Variants in P4HA3 observed in about 807,000 individuals in gnomAD.
The protein encoded by P4HA3 is prolyl 4-hydroxylase subunit alpha 3.
In P4HA3, 60 loss-of-function variants were observed where a neutral mutation model predicts 66.7. The observed-to-expected ratio is 0.90, with a 90% CI of 0.73 to 1.12. P4HA3 has a LOEUF of 1.12. P4HA3 is among the 50% of genes most tolerant of loss of function. The pLI is 0.00. For synonymous variants in P4HA3, 263 were observed against 274.6 expected, an observed-to-expected ratio of 0.96 and a Z score of 0.42; for missense variants, 683 against 685.8, an observed-to-expected ratio of 1.00 and a Z score of 0.05.
At chr11:74,279,745 C>A (rs1455633033) in intron 7 of P4HA3, among the ~76,000 whole-genome samples, 1 of 152,144 alleles carries the variant, frequency 6.6e-6, no homozygotes. Flanking sequence ...TTATTTGAAT[C>A]CCTTTTGTAT....
At position 74,266,805 on chromosome 11, in the gene P4HA3, A is replaced by C; in HGVS notation, c.*443T>G. The C allele has an allele frequency of 2.0e-6, 1 of 502,094 alleles. No homozygotes were observed. Among genetic ancestry groups the C allele is most frequent in the Non-Finnish European group, 3.5e-6 (1 of 286,296 alleles). The allele number at this position is 502,094 out of a possible 1,614,324, so 31.1% of individuals were successfully genotyped here. On this transcript the variant is annotated 3_prime_UTR_variant, in exon 13 of 13. Coordinates refer to ENST00000331597, the MANE Select transcript of P4HA3 (RefSeq NM_182904.5). ...GGGGGACACTCCCTGCTTGGGCTGCAGCAGAAGGCAGTGGGGAGAAAGTCT... is the reference window on the plus strand; with the variant it reads ...GGGGGACACTCCCTGCTTGGGCTGCCGCAGAAGGCAGTGGGGAGAAAGTCT...
At chr11:74,284,525 G>T (rs1860716693) in intron 7 of P4HA3, among the ~76,000 whole-genome samples, 1 of 152,114 alleles carries the variant, frequency 6.6e-6, no homozygotes, top group African/African-American at 2.4e-5. Flanking sequence ...AATCATGATT[G>T]TAATTTAATT....
intron 5 of P4HA3, among the ~76,000 whole-genome samples, chr11:74,288,310 T>C (rs1227299855): frequency 1.3e-5 from 2 of 152,176 alleles, no homozygotes; most frequent in Non-Finnish European, 2.9e-5. Context: ...GAGTGAGACC[T>C]GATTTAAGGG....
In P4HA3 at chr11:74,285,898, C is replaced by T. The variant is rs765178418; in HGVS notation, c.1021G>A (p.Val341Ile). 1.2e-6 allele frequency: 2 copies of T among 1,613,192 alleles called. No homozygotes were observed. The change falls in exon 7 of 13, where the codon GTC (valine) becomes ATC (isoleucine). Residue 341 changes from valine (V) to isoleucine (I), a missense_variant. Transcript: ENST00000331597. The part of the protein sequence containing the change: ...YLLLQPIRKE[V>I]IHLEPYIALY... ...GCAATGTAGGGCTCCAGGTGGATGACCTCCTTCCGGATGGGCTGGAGCAGC... is the reference window on the plus strand; with the variant it reads ...GCAATGTAGGGCTCCAGGTGGATGATCTCCTTCCGGATGGGCTGGAGCAGC...
Position 74,277,105 on chromosome 11 carries a change from G to A in P4HA3, c.1215C>T (p.Thr405=). 1 of 1,614,022 alleles carries A rather than the reference G, an allele frequency of 6.2e-7. No homozygotes were observed. Among genetic ancestry groups the A allele is most frequent in the South Asian group, 1.1e-5 (1 of 91,072 alleles). The change falls in exon 9 of 13, where the codon ACC becomes ACT. Residue 405 remains threonine (T), a synonymous_variant. Coordinates refer to ENST00000331597, the MANE Select transcript of P4HA3 (RefSeq NM_182904.5). ...TGAGGGCAGCAATGCGGTGGTTGAG[G>A]GTCACCAGTTTTGGGTCAACAGTGT... ...LKDTVDPKLV[T]LNHRIAALTG...
At chr11:74,308,367 A>C (rs1861632845) in intron 1 of P4HA3, among the ~76,000 whole-genome samples, 1 of 151,902 alleles carries the variant, frequency 6.6e-6, no homozygotes, top group African/African-American at 2.4e-5. Context: ...AACCAAACCA[A>C]ACAAAAACAA....
At chr11:74,251,243 A>G in intron 15 of P4HA3, 2 of 1,393,190 alleles carry the variant, frequency 1.4e-6, no homozygotes, top group South Asian at 1.8e-5. Flanking sequence ...ATTTCATCCC[A>G]GGGCCCTGTG....
intron 3 of P4HA3, among the ~76,000 whole-genome samples, chr11:74,300,860 G>A (rs1861385789): frequency 6.6e-6 from 1 of 152,146 alleles, no homozygotes. Flanking sequence ...CAAACTAGAA[G>A]CAATCCAAGA....
chr11:74,291,928 G>C (rs375534849), intron 4 of P4HA3, among the ~76,000 whole-genome samples: 26 of 126,902 alleles, frequency 2.0e-4, no homozygotes, highest in Middle Eastern at 3.8e-3. Flanking sequence ...TGTCTCTGCC[G>C]GGCTTTGGTA....
At chr11:74,253,858 A>G in intron 15 of P4HA3, 1 of 415,808 alleles carries the variant, frequency 2.4e-6, no homozygotes, top group Non-Finnish European at 4.3e-6. Flanking sequence ...ATCTGAGTTC[A>G]AATGTCTTCC....
At chr11:74,293,225 T>G (rs1591123228) in intron 4 of P4HA3, among the ~76,000 whole-genome samples, 4 of 150,962 alleles carry the variant, frequency 2.6e-5, no homozygotes, top group African/African-American at 4.9e-5. Flanking sequence ...TCTTTTGATC[T>G]TTGTTGGTTT....
intron 4 of P4HA3, 37 bp downstream of exon 4, chr11:74,298,175 G>A: frequency 1.3e-6 from 2 of 1,599,068 alleles, no homozygotes; most frequent in South Asian, 2.2e-5. Flanking sequence ...ATTTCACTTA[G>A]TATAATAAAA....
chr11:74,267,014 C>G lies in P4HA3; in HGVS notation c.*234G>C, dbSNP rs141512905. 5.4e-5 allele frequency: 81 copies of G among 1,512,264 alleles called. No individual in the cohort carries two copies. The highest frequency in any genetic ancestry group is 6.6e-5 in the Non-Finnish European group (75 of 1,132,476). The allele number at this position is 1,512,264 out of a possible 1,614,324, so 93.7% of individuals were successfully genotyped here. ...TTCCCTCTCAGGCCTCCACTCCCCCCTCCTTTGTACTGTGCATCCTACTCT... is the reference window on the plus strand; with the variant it reads ...TTCCCTCTCAGGCCTCCACTCCCCCGTCCTTTGTACTGTGCATCCTACTCT... On this transcript the variant is annotated 3_prime_UTR_variant, in exon 13 of 13. Coordinates refer to ENST00000331597, the MANE Select transcript of P4HA3 (RefSeq NM_182904.5).
downstream of P4HA3, among the ~76,000 whole-genome samples, chr11:74,263,256 T>C (rs1456842931): frequency 6.6e-6 from 1 of 152,256 alleles, no homozygotes; most frequent in Non-Finnish European, 1.5e-5. Flanking sequence ...CGACAAGTGT[T>C]CACCGTTCAT....
At chr11:74,263,137 T>C (rs778015093), downstream of P4HA3, among the ~76,000 whole-genome samples, 3 of 152,234 alleles carry the variant, frequency 2.0e-5, no homozygotes, top group Non-Finnish European at 4.4e-5. Context: ...CTTGATTCTA[T>C]CCAATTCTCA....
intron 5 of P4HA3, among the ~76,000 whole-genome samples, chr11:74,287,714 AT>A (rs1462943515): frequency 2.0e-5 from 3 of 152,208 alleles, no homozygotes; most frequent in Non-Finnish European, 2.9e-5. Context: ...CAAAATAGTG[AT>A]TTTGTATCTC....
chr11:74,287,266 G>C (rs1343918862), intron 5 of P4HA3: 2 of 1,289,296 alleles, frequency 1.6e-6, no homozygotes, highest in Non-Finnish European at 2.0e-6. Flanking sequence ...GAGGAGCCCA[G>C]TGTGCTTCTA....
intron 2 of P4HA3, among the ~76,000 whole-genome samples, chr11:74,302,884 T>C (rs1011522121): frequency 2.0e-4 from 30 of 152,152 alleles, no homozygotes; most frequent in Middle Eastern, 3.4e-3. Context: ...ACAACTCTTC[T>C]TTTTCTTTTT....
intron 15 of P4HA3, chr11:74,251,471 G>A (rs1859659325): frequency 1.3e-5 from 19 of 1,432,010 alleles, no homozygotes; most frequent in Non-Finnish European, 1.6e-5. Flanking sequence ...AAGGATAGTG[G>A]GGAGGAGTCT....
Sources: allele counts gnomAD v4.1 joint callset (sites outside exome capture counted in the v4.1 genomes callset), GRCh38; gene constraint gnomAD v4.1.1; transcripts MANE v1.5; gene names NCBI Gene and HGNC (gene_info 2026-07-23, HGNC 2026-07-21).